Variants in MBD5 observed in about 807,000 individuals in gnomAD.
MBD5 encodes methyl-CpG-binding domain protein 5.
In MBD5, 13 loss-of-function variants were observed where a neutral mutation model predicts 117.3. That is an observed-to-expected ratio of 0.11 (90% confidence interval 0.07 to 0.18). MBD5 has a LOEUF of 0.18. Ranked by LOEUF, MBD5 falls within the 10% of genes least tolerant of loss-of-function variation. The pLI, the probability that MBD5 is intolerant of heterozygous loss-of-function variation, is 1.00. For synonymous variants in MBD5, 727 were observed against 766.4 expected (o/e 0.95, Z 0.85); for missense variants, 1,879 against 2,093.8 (o/e 0.90, Z 2.00).
intron 4 of MBD5, among the ~76,000 whole-genome samples, chr2:148,415,922 T>G (rs963022451): frequency 6.6e-6 from 1 of 152,206 alleles, no homozygotes; most frequent in Non-Finnish European, 1.5e-5. Flanking sequence ...TGAATCTCAA[T>G]GAGCTTTGTT....
chr2:148,040,349 G>A (rs773936470), intron 1 of MBD5, among the ~76,000 whole-genome samples: 1 of 151,844 alleles, frequency 6.6e-6, no homozygotes, highest in Admixed American at 6.6e-5. Flanking sequence ...AAAAATCCCT[G>A]CAAAAGTACC....
At chr2:148,200,692 CAAAAAAA>C (rs770296644) in intron 2 of MBD5, among the ~76,000 whole-genome samples, 1 of 57,744 alleles carries the variant, frequency 1.7e-5, no homozygotes, top group Non-Finnish European at 3.7e-5. Flanking sequence ...GACTCTATCT[CAAAAAAA>C]AAAAAAAAAA....
chr2:148,377,103 A>T (rs750762772), intron 4 of MBD5, among the ~76,000 whole-genome samples: 2 of 151,614 alleles, frequency 1.3e-5, no homozygotes, highest in Non-Finnish European at 2.9e-5. Context: ...AAGTAGTATT[A>T]ACTCACGCAA....
chr2:148,135,240 TG>T (rs1193410344), intron 1 of MBD5, among the ~76,000 whole-genome samples: 1 of 152,234 alleles, frequency 6.6e-6, no homozygotes, highest in Non-Finnish European at 1.5e-5. Context: ...TTAACCTACC[TG>T]GACTTTAATG....
At chr2:148,215,495 T>A (rs997576032) in intron 2 of MBD5, among the ~76,000 whole-genome samples, 2 of 152,120 alleles carry the variant, frequency 1.3e-5, no homozygotes, top group Admixed American at 1.3e-4. Context: ...TGTTTTTGTT[T>A]GTTTGTTTGT....
intron 1 of MBD5, among the ~76,000 whole-genome samples, chr2:148,130,924 G>A (rs1697029525): frequency 6.6e-6 from 1 of 152,126 alleles, no homozygotes; most frequent in African/African-American, 2.4e-5. Context: ...AATCCAAATA[G>A]TTTGGGCACT....
At chr2:148,286,674 A>T (rs1325073699) in intron 3 of MBD5, among the ~76,000 whole-genome samples, 1 of 152,188 alleles carries the variant, frequency 6.6e-6, no homozygotes, top group Non-Finnish European at 1.5e-5. Flanking sequence ...ATCTGGTTGT[A>T]CTCATCTTTA....
chr2:148,330,120 CT>C (rs1702603903), intron 3 of MBD5, among the ~76,000 whole-genome samples: 1 of 145,412 alleles, frequency 6.9e-6, no homozygotes, highest in Non-Finnish European at 1.5e-5. Context: ...CACACACACT[CT>C]ACCTTAGGCC....
intron 1 of MBD5, among the ~76,000 whole-genome samples, chr2:148,108,153 G>A (rs1284730512): frequency 6.6e-6 from 1 of 152,102 alleles, no homozygotes; most frequent in Non-Finnish European, 1.5e-5. Flanking sequence ...GGGTGGGAAA[G>A]TGAGTACTGT....
At chr2:148,387,603 G>A (rs1383801717) in intron 4 of MBD5, among the ~76,000 whole-genome samples, 1 of 151,884 alleles carries the variant, frequency 6.6e-6, no homozygotes, top group African/African-American at 2.4e-5. Flanking sequence ...TTGTCTGAAG[G>A]ACATGACAAA....
At chr2:148,319,502 G>GT (rs748523138) in intron 3 of MBD5, among the ~76,000 whole-genome samples, 2 of 152,028 alleles carry the variant, frequency 1.3e-5, no homozygotes, top group African/African-American at 2.4e-5. Flanking sequence ...TTTTTGAGTG[G>GT]TTTTTTGTAG....
intron 3 of MBD5, among the ~76,000 whole-genome samples, chr2:148,326,587 G>A (rs907560426): frequency 3.9e-5 from 6 of 152,166 alleles, no homozygotes; most frequent in South Asian, 2.1e-4. Flanking sequence ...TTACCATTGA[G>A]TAATGGCCTT....
rs1574078321 is a variant in MBD5, at chr2:148,157,323, T to A, written c.-924-21377T>A. On this transcript the variant is annotated intron_variant, in intron 1 of 13. Transcript: ENST00000642680. ...CCCAAACAGGCCCCAGTGTGTGATG[T>A]TTCCCTCCCTGTGTCCATGTGTTTT... 2.0e-5 allele frequency among the ~76,000 whole-genome samples: 3 copies of A among 150,666 alleles called. No homozygotes were observed. The South Asian group carries it at 6.4e-4, about 32-fold the overall frequency.
intron 3 of MBD5, chr2:148,296,134 C>G (rs1382217818): frequency 5.2e-6 from 1 of 190,688 alleles, no homozygotes; most frequent in African/African-American, 2.4e-5. Context: ...TTAATGTTTT[C>G]TGAAAAATTT....
intron 4 of MBD5, among the ~76,000 whole-genome samples, chr2:148,410,692 A>G (rs1455976840): frequency 6.6e-6 from 1 of 152,128 alleles, no homozygotes; most frequent in African/African-American, 2.4e-5. Flanking sequence ...TCGTCCTCCG[A>G]CAGTGCTGGT....
chr2:148,459,323 T>C (rs1706988271), intron 5 of MBD5, among the ~76,000 whole-genome samples: 1 of 152,208 alleles, frequency 6.6e-6, no homozygotes, highest in African/African-American at 2.4e-5. Flanking sequence ...TCTTTTTTTC[T>C]GCATAGTCTT....
chr2:148,292,891 T>TA (rs59347845), intron 3 of MBD5, among the ~76,000 whole-genome samples: 2,604 of 135,124 alleles, frequency 0.019, 73 homozygotes, highest in African/African-American at 0.065. Flanking sequence ...CATTCAGCCA[T>TA]AAAAAAAAAA....
At chr2:148,166,716 T>C (rs890983570) in intron 1 of MBD5, among the ~76,000 whole-genome samples, 57 of 152,170 alleles carry the variant, frequency 3.7e-4, no homozygotes, top group African/African-American at 1.4e-3. Flanking sequence ...CTCCCTGCTA[T>C]GTTTTCTGTG....
chr2:148,067,614 A>G (rs981685910), intron 1 of MBD5, among the ~76,000 whole-genome samples: 2 of 152,306 alleles, frequency 1.3e-5, no homozygotes, highest in East Asian at 3.9e-4. Flanking sequence ...CCTAGAATTA[A>G]AGCAAGTAGA....
Sources: gnomAD v4.1 joint callset for allele counts (sites outside exome capture counted in the v4.1 genomes callset) on GRCh38, gnomAD v4.1.1 for gene constraint, MANE v1.5 for transcripts, NCBI Gene and HGNC (gene_info 2026-07-23, HGNC 2026-07-21) for gene names.